SCN9A: variants seen among roughly 807,000 people sequenced by gnomAD.
SCN9A encodes sodium channel protein type 9 subunit alpha.
Under a neutral mutation model 187.0 loss-of-function variants are expected in SCN9A, and 131 were observed. That is an observed-to-expected ratio of 0.70 (90% CI 0.61 to 0.81). The LOEUF is 0.81. Among genes scored for constraint, SCN9A ranks in the 30% least tolerant of loss-of-function variants. The pLI is 0.00. For synonymous variants in SCN9A, 809 were observed against 808.6 expected, an observed-to-expected ratio of 1.00 and a Z score of -0.01; for missense variants, 2,252 against 2,396.6, an observed-to-expected ratio of 0.94 and a Z score of 1.26.
intron 25 of SCN9A, 67 bp downstream of exon 25, chr2:166,204,293 T>G: frequency 6.4e-7 from 1 of 1,558,264 alleles, no homozygotes; most frequent in South Asian, 1.2e-5. Context: ...AAATTAAAGA[T>G]GTGCATTAAA....
chr2:166,306,629 G>T, intron 3 of SCN9A, 30 bp from the exon 4 acceptor site: 1 of 1,407,260 alleles, frequency 7.1e-7, no homozygotes, highest in Non-Finnish European at 9.9e-7. Context: ...CAAAAGAGAC[G>T]ACAGTGGGAA....
intron 1 of SCN9A, among the ~76,000 whole-genome samples, chr2:166,354,362 T>TC (rs397722222): frequency 2.0e-5 from 3 of 151,846 alleles, no homozygotes; most frequent in Admixed American, 1.3e-4. Flanking sequence ...GCTTTTTTTT[T>TC]CCCCAGCCAT....
At chr2:166,238,557 C>G (rs964139996) in intron 19 of SCN9A, among the ~76,000 whole-genome samples, 8 of 152,312 alleles carry the variant, frequency 5.3e-5, no homozygotes, top group African/African-American at 1.9e-4. Flanking sequence ...CCACCTCCAT[C>G]TGATTCCTCC....
chr2:166,257,431 G>A (rs1454259998), intron 17 of SCN9A, among the ~76,000 whole-genome samples: 1 of 151,438 alleles, frequency 6.6e-6, no homozygotes, highest in Non-Finnish European at 1.5e-5. Context: ...AGGAGGGCAA[G>A]GAAAAGTGAA....
In SCN9A at chr2:166,369,485, C is replaced by A. The variant is rs78304745; in HGVS notation, c.-51+6212G>T. ...CTCATGGGATTATAAGAACCTTATT[C>A]CCAGTTGATCCCTGAGTAGGCCACT... On this transcript the variant is annotated intron_variant, in intron 1 of 26. Coordinates refer to ENST00000642356, the MANE Select transcript of SCN9A (RefSeq NM_001365536.1). Among the ~76,000 whole-genome samples, 446 of 152,264 alleles carry A rather than the reference C, an allele frequency of 2.9e-3. 2 individuals are homozygous for A. Among genetic ancestry groups the A allele is most frequent in the African/African-American group, 9.9e-3 (411 of 41,552 alleles).
At chr2:166,306,650 T>C (rs1229820944) in intron 3 of SCN9A, 51 bp from the exon 4 acceptor site, 1 of 1,259,226 alleles carries the variant, frequency 7.9e-7, no homozygotes, top group African/African-American at 1.5e-5. Flanking sequence ...TTTGAAATAT[T>C]TGAGGATGAC....
intron 17 of SCN9A, among the ~76,000 whole-genome samples, chr2:166,256,642 A>G (rs1242105196): frequency 2.0e-5 from 3 of 151,138 alleles, no homozygotes; most frequent in Non-Finnish European, 4.4e-5. Flanking sequence ...AAGAAAACCA[A>G]TTTTTTTTCC....
At chr2:166,246,153 T>G (rs1695779060) in intron 18 of SCN9A, among the ~76,000 whole-genome samples, 1 of 152,008 alleles carries the variant, frequency 6.6e-6, no homozygotes, top group East Asian at 1.9e-4. Context: ...CTCTTTGTGC[T>G]TATAGTACTC....
At position 166,284,493 on chromosome 2, in the gene SCN9A, A is replaced by G. The variant is rs1448616710; in HGVS notation, c.1934T>C (p.Leu645Pro). Reference sequence around the variant, plus strand: ...TGCCTTATCTATTATCACCTCTGGCAGAAGCTGTCCATTGGGGAGCATGAG... The same window carrying G: ...TGCCTTATCTATTATCACCTCTGGCGGAAGCTGTCCATTGGGGAGCATGAG... ...SALMLPNGQL[L>P]PEVIIDKATS... Residue 645 changes from leucine to proline, a missense_variant, in exon 12 of 27, where the codon CTG becomes CCG. This residue lies in a region of SCN9A where 1,013 missense variants were observed against 997.4 expected (regional missense o/e 1.02). Coordinates refer to ENST00000642356, the MANE Select transcript of SCN9A (RefSeq NM_001365536.1). 1 of 1,613,980 alleles carries G rather than the reference A, an allele frequency of 6.2e-7. No individual in the cohort carries two copies. The highest frequency in any genetic ancestry group is 1.3e-5 in the African/African-American group (1 of 74,948).
Position 166,281,798 on chromosome 2 carries a change from T to C in SCN9A, c.1985A>G (p.Asn662Ser). 3 of 1,611,558 alleles carry C rather than the reference T, an allele frequency of 1.9e-6. No individual in the cohort carries two copies. The highest frequency in any genetic ancestry group is 2.5e-6 in the Non-Finnish European group (3 of 1,178,936). ...KATSDDSGTT[N>S]QIHKKRRCSS... is the part of the protein sequence containing the mutation. ...ACAACGCCTTTTCTTGTGTATTTGATTGGTCGTGCCCTAAAAAAAAAATCA... is the reference window on the plus strand; with the variant it reads ...ACAACGCCTTTTCTTGTGTATTTGACTGGTCGTGCCCTAAAAAAAAAATCA... Residue 662 changes from asparagine to serine, a missense_variant, in exon 13 of 27, where the codon AAT (asparagine) becomes AGT (serine). This residue lies in a region of SCN9A where 1,013 missense variants were observed against 997.4 expected (regional missense o/e 1.02). Coordinates refer to ENST00000642356, the MANE Select transcript of SCN9A (RefSeq NM_001365536.1).
intron 24 of SCN9A, among the ~76,000 whole-genome samples, chr2:166,208,839 A>C (rs1370674562): frequency 6.6e-6 from 1 of 152,256 alleles, no homozygotes; most frequent in African/African-American, 2.4e-5. Flanking sequence ...CAGGCATTTC[A>C]ATCATAACTG....
chr2:166,290,459 T>A (rs1360224172), intron 9 of SCN9A, among the ~76,000 whole-genome samples: 1 of 152,198 alleles, frequency 6.6e-6, no homozygotes, highest in Non-Finnish European at 1.5e-5. Context: ...GGTCAAATGG[T>A]ATTTCTGGTT....
intron 24 of SCN9A, among the ~76,000 whole-genome samples, chr2:166,205,940 AAC>A (rs1408635357): frequency 2.6e-5 from 4 of 152,236 alleles, no homozygotes; most frequent in Non-Finnish European, 5.9e-5. Context: ...TCATCAGAGA[AAC>A]ACAAATCAAA....
chr2:166,198,936 T>C lies in SCN9A; in HGVS notation c.5703A>G (p.Arg1901=). 2 of 1,613,972 alleles carry C rather than the reference T, an allele frequency of 1.2e-6. No homozygotes were observed. The highest frequency in any genetic ancestry group is 1.7e-6 in the Non-Finnish European group (2 of 1,179,884). Residue 1901 remains arginine (R), a synonymous_variant, in exon 27 of 27, where the codon AGA becomes AGG. Transcript: ENST00000642356. The part of the protein sequence containing the change: ...VSATVIQRAY[R]RYRLRQNVKN... ...TGACATTTTGCCTTAAGCGGTAACG[T>C]CTATAAGCACGCTGAATGACAGTAG...
At chr2:166,336,312 G>A (rs1177973341) in intron 1 of SCN9A, among the ~76,000 whole-genome samples, 1 of 152,010 alleles carries the variant, frequency 6.6e-6, no homozygotes, top group African/African-American at 2.4e-5. Flanking sequence ...GTAATTTATT[G>A]AAAAAAGCTA....
intron 1 of SCN9A, among the ~76,000 whole-genome samples, chr2:166,317,822 C>T (rs74423851): frequency 6.6e-6 from 1 of 151,856 alleles, no homozygotes; most frequent in Non-Finnish European, 1.5e-5. Context: ...TGTACAGTGG[C>T]GAAATGTTAG....
intron 16 of SCN9A, among the ~76,000 whole-genome samples, chr2:166,273,315 G>A (rs1038239929): frequency 6.6e-6 from 1 of 152,038 alleles, no homozygotes; most frequent in Non-Finnish European, 1.5e-5. Flanking sequence ...ATTTTCTATT[G>A]TGCTAAAGAT....
chr2:166,320,271 A>C (rs4599137), intron 1 of SCN9A, among the ~76,000 whole-genome samples: 95,750 of 151,816 alleles, frequency 0.63, 30,756 homozygotes, highest in African/African-American at 0.73. Flanking sequence ...TATTATGATT[A>C]AAAAGCTGTA....
In SCN9A at chr2:166,199,758, T is replaced by C. The variant is rs1221163449; in HGVS notation, c.4881A>G (p.Ala1627=). The C allele has an allele frequency of 6.2e-7, 1 of 1,614,096 alleles. No individual in the cohort carries two copies. Among genetic ancestry groups the C allele is most frequent in the Admixed American group, 1.7e-5 (1 of 60,002 alleles). ...IGRILRLVKG[A]KGIRTLLFAL... ...CAAAGAGCAGCGTGCGGATCCCCTT[T>C]GCTCCTTTGACTAGACGTAGGATTC... The change falls in exon 27 of 27, where the codon GCA becomes GCG. Residue 1627 remains alanine (A), a synonymous_variant. Coordinates refer to ENST00000642356, the MANE Select transcript of SCN9A (RefSeq NM_001365536.1).
Sources: gnomAD v4.1 joint callset for allele counts (sites outside exome capture counted in the v4.1 genomes callset) on GRCh38, gnomAD v4.1.1 for gene constraint, gnomAD v4.1.1 regional missense constraint, MANE v1.5 for transcripts, NCBI Gene and HGNC (gene_info 2026-07-23, HGNC 2026-07-21) for gene names.